PLCB1: variants seen among roughly 807,000 people sequenced by gnomAD.
PLCB1 encodes the protein 1-phosphatidylinositol 4,5-bisphosphate phosphodiesterase beta-1.
Under a neutral mutation model 161.8 loss-of-function variants are expected in PLCB1, and 46 were observed. The observed-to-expected ratio is 0.28, with a 90% CI of 0.22 to 0.36. The LOEUF (loss-of-function observed/expected upper bound fraction) is 0.36, where lower values mean the gene tolerates loss of function less well. Among genes scored for constraint, PLCB1 ranks in the 10% least tolerant of loss-of-function variants. The pLI is 1.00. For synonymous variants in PLCB1, 517 were observed against 503.7 expected, an observed-to-expected ratio of 1.03 and a Z score of -0.35; for missense variants, 1,016 against 1,472.5, an observed-to-expected ratio of 0.69 and a Z score of 5.07.
intron 31 of PLCB1, among the ~76,000 whole-genome samples, chr20:8,866,691 C>T (rs534227827): frequency 2.0e-5 from 3 of 152,256 alleles, no homozygotes; most frequent in Non-Finnish European, 2.9e-5. Context: ...TCCTGTCACT[C>T]GTTTGCCTTT....
At chr20:8,162,986 A>G (rs1289952385) in intron 2 of PLCB1, among the ~76,000 whole-genome samples, 1 of 152,250 alleles carries the variant, frequency 6.6e-6, no homozygotes, top group African/African-American at 2.4e-5. Context: ...GTTCATAACT[A>G]GAGGAAAAAA....
chr20:8,757,885 AAAT>A (rs1981821008), intron 24 of PLCB1, among the ~76,000 whole-genome samples: 2 of 151,850 alleles, frequency 1.3e-5, no homozygotes, highest in Non-Finnish European at 2.9e-5. Flanking sequence ...ATAAATAAAT[AAAT>A]AAATAAAATA....
chr20:8,748,943 C>T (rs56287935), intron 23 of PLCB1, among the ~76,000 whole-genome samples: 37,677 of 152,040 alleles, frequency 0.25, 5,193 homozygotes, highest in Non-Finnish European at 0.32. Flanking sequence ...CTTGAATTTA[C>T]ACAATAAAAT....
chr20:8,139,296 A>G (rs1473955092), intron 1 of PLCB1, among the ~76,000 whole-genome samples: 2 of 152,002 alleles, frequency 1.3e-5, no homozygotes, highest in African/African-American at 4.8e-5. Context: ...GGGTTTTGCC[A>G]TGTTGGCCAG....
At chr20:8,711,157 G>A (rs781746340) in intron 12 of PLCB1, among the ~76,000 whole-genome samples, 2 of 152,164 alleles carry the variant, frequency 1.3e-5, no homozygotes, top group African/African-American at 4.8e-5. Context: ...TGACAGAGAT[G>A]GGATTCCAAT....
At chr20:8,240,050 C>A (rs577714766) in intron 2 of PLCB1, among the ~76,000 whole-genome samples, 1 of 151,992 alleles carries the variant, frequency 6.6e-6, no homozygotes, top group African/African-American at 2.4e-5. Flanking sequence ...CCATAGTTTT[C>A]TATTAAACAT....
intron 3 of PLCB1, among the ~76,000 whole-genome samples, chr20:8,557,529 G>A (rs1215190460): frequency 6.6e-6 from 1 of 151,944 alleles, no homozygotes; most frequent in Non-Finnish European, 1.5e-5. Flanking sequence ...GTTGCCAGGG[G>A]ATCATCAGAG....
intron 3 of PLCB1, among the ~76,000 whole-genome samples, chr20:8,426,878 G>A (rs1979803813): frequency 6.6e-6 from 1 of 152,092 alleles, no homozygotes; most frequent in Non-Finnish European, 1.5e-5. Context: ...ATATGAACTG[G>A]ATGAGAATGA....
At chr20:8,831,872 T>C (rs933516982) in intron 31 of PLCB1, among the ~76,000 whole-genome samples, 3 of 148,270 alleles carry the variant, frequency 2.0e-5, no homozygotes, top group African/African-American at 7.4e-5. Flanking sequence ...AAATTTAATT[T>C]TCTTTCTTTC....
At chr20:8,806,379 C>G (rs1226423615) in intron 31 of PLCB1, among the ~76,000 whole-genome samples, 1 of 152,108 alleles carries the variant, frequency 6.6e-6, no homozygotes, top group Non-Finnish European at 1.5e-5. Context: ...TCTATGGCTG[C>G]TGAAAACTCA....
chr20:8,607,615 T>A (rs1361680857), intron 3 of PLCB1, among the ~76,000 whole-genome samples: 3 of 152,210 alleles, frequency 2.0e-5, no homozygotes, highest in African/African-American at 7.2e-5. Flanking sequence ...TTTTATCTAA[T>A]GTTCCTACCC....
chr20:8,671,263 G>A (rs1989935590), intron 9 of PLCB1, among the ~76,000 whole-genome samples: 1 of 152,132 alleles, frequency 6.6e-6, no homozygotes, highest in Non-Finnish European at 1.5e-5. Flanking sequence ...GATGTTATTT[G>A]CATGTGTTTA....
At chr20:8,829,155 A>AG (rs1336210690) in intron 31 of PLCB1, among the ~76,000 whole-genome samples, 2 of 152,198 alleles carry the variant, frequency 1.3e-5, no homozygotes, top group Non-Finnish European at 2.9e-5. Flanking sequence ...ACAAAATGTT[A>AG]GGGAAAAAAT....
chr20:8,527,890 C>A (rs534818865), intron 3 of PLCB1, among the ~76,000 whole-genome samples: 109 of 152,174 alleles, frequency 7.2e-4, no homozygotes, highest in African/African-American at 2.5e-3. Context: ...AATCCCACCC[C>A]TAGTTTCTCT....
rs140955281 is a variant in PLCB1 at position 8,682,538 on chromosome 20, G to A, written c.863-2394G>A. On this transcript the variant is annotated intron_variant, in intron 9 of 31. Coordinates refer to ENST00000338037, the MANE Select transcript of PLCB1 (RefSeq NM_015192.4). ...ATAGTAAAAGCAATTTAGCTATTGA[G>A]TTTCCAGAACTTGGGAAAAGCAGTC... 3.7e-4 allele frequency among the ~76,000 whole-genome samples: 57 copies of A among 152,294 alleles called. No individual in the cohort carries two copies. In the East Asian group the frequency reaches 0.011, roughly 28 times the overall value.
intron 9 of PLCB1, among the ~76,000 whole-genome samples, chr20:8,673,960 G>A (rs918749841): frequency 4.6e-5 from 7 of 152,094 alleles, no homozygotes; most frequent in African/African-American, 1.7e-4. Context: ...TCCCAAGGGC[G>A]CAGTTGGCCA....
At chr20:8,823,371 C>T (rs1985530495) in intron 31 of PLCB1, among the ~76,000 whole-genome samples, 2 of 152,154 alleles carry the variant, frequency 1.3e-5, no homozygotes, top group African/African-American at 4.8e-5. Context: ...GATCTGCCTG[C>T]CTCAGCCTCC....
intron 2 of PLCB1, among the ~76,000 whole-genome samples, chr20:8,359,380 A>G (rs563150257): frequency 1.3e-5 from 2 of 152,172 alleles, no homozygotes; most frequent in African/African-American, 4.8e-5. Context: ...ATGAAAGGAA[A>G]GTCAGAGTAG....
At chr20:8,736,315 CTCTTT>C (rs1258751123) in intron 19 of PLCB1, among the ~76,000 whole-genome samples, 5 of 152,188 alleles carry the variant, frequency 3.3e-5, no homozygotes, top group Admixed American at 1.3e-4. Context: ...TATTAAAAAT[CTCTTT>C]TAAGTCTATA....
Sources: gnomAD v4.1 joint callset for allele counts (sites outside exome capture counted in the v4.1 genomes callset) on GRCh38, gnomAD v4.1.1 for gene constraint, MANE v1.5 for transcripts, NCBI Gene and HGNC (gene_info 2026-07-23, HGNC 2026-07-21) for gene names.